DOCK3: variants seen among roughly 807,000 people sequenced by gnomAD.
DOCK3 encodes dedicator of cytokinesis 3.
DOCK3 carries 60 observed loss-of-function variants against 265.6 expected under a neutral mutation model. The ratio of observed to expected loss-of-function variants is 0.23; its 90% CI spans 0.18 to 0.28. The LOEUF is 0.28. DOCK3 is among the 10% of genes least tolerant of loss of function. The pLI is 1.00. For missense variants in DOCK3, 1,981 were observed against 2,594.3 expected (o/e 0.76, Z 5.14); for synonymous variants, 881 against 938.0 (o/e 0.94, Z 1.11).
intron 7 of DOCK3, among the ~76,000 whole-genome samples, chr3:51,083,584 A>G (rs1408717151): frequency 6.6e-6 from 1 of 152,222 alleles, no homozygotes; most frequent in Non-Finnish European, 1.5e-5. Context: ...ACAAAGAGAT[A>G]TGCATCATAG....
At chr3:50,891,567 AAG>A (rs2048643222) in intron 4 of DOCK3, among the ~76,000 whole-genome samples, 1 of 152,126 alleles carries the variant, frequency 6.6e-6, no homozygotes, top group Non-Finnish European at 1.5e-5. Flanking sequence ...GGAAAAGGAA[AAG>A]AGAGTATTTC....
In DOCK3 at chr3:51,324,134, T is replaced by C. The variant is rs1365115860; in HGVS notation, c.3403-6004T>C. On this transcript the variant is annotated intron_variant, in intron 32 of 52. Transcript: ENST00000266037. ...CAAATAGGAAGAGAGGAAGTCAAAT[T>C]GTCTCTGTTTGCAGATGACATGATT... is the stretch of plus-strand genomic sequence containing the variant. Among the ~76,000 whole-genome samples, 3 of 152,312 alleles carry C rather than the reference T, an allele frequency of 2.0e-5. No individual in the cohort carries two copies. In the East Asian group the frequency reaches 5.8e-4, roughly 29 times the overall value.
intron 9 of DOCK3, among the ~76,000 whole-genome samples, chr3:51,110,413 G>T (rs988871962): frequency 2.6e-5 from 4 of 152,086 alleles, no homozygotes; most frequent in African/African-American, 9.7e-5. Context: ...TATCCTTGAT[G>T]AACATTGATG....
rs139450529 is a variant in DOCK3 at position 50,850,218 on chromosome 3, G to A, written c.162+8503G>A. On this transcript the variant is annotated intron_variant, in intron 3 of 52. Coordinates refer to ENST00000266037, the MANE Select transcript of DOCK3 (RefSeq NM_004947.5). ...CAACATGGCAAAACAGAAATTAGTC[G>A]GCATGGTGGCACGTGCCTGTAGTCC... Among the ~76,000 whole-genome samples the A allele has an allele frequency of 8.7e-3, 1,328 of 151,816 alleles. 25 individuals are homozygous for A. The highest frequency in any genetic ancestry group is 0.029 in the African/African-American group (1,181 of 41,362).
At chr3:51,087,744 T>G (rs1157859132) in intron 7 of DOCK3, among the ~76,000 whole-genome samples, 1 of 152,032 alleles carries the variant, frequency 6.6e-6, no homozygotes, top group Non-Finnish European at 1.5e-5. Context: ...TAAAGACTAC[T>G]AAAAATCTCT....
chr3:51,187,833 C>A (rs1396849730), intron 12 of DOCK3, among the ~76,000 whole-genome samples: 1 of 149,582 alleles, frequency 6.7e-6, no homozygotes, highest in Non-Finnish European at 1.5e-5. Context: ...GATTGTGAGG[C>A]CTCCCCAGCC....
In DOCK3 at chr3:51,062,566, T is replaced by C. The variant is rs1479886631; in HGVS notation, c.316-1882T>C. 5.3e-5 allele frequency among the ~76,000 whole-genome samples: 8 copies of C among 152,176 alleles called. No homozygotes were observed. In the East Asian group the frequency reaches 1.5e-3, roughly 29 times the overall value. On this transcript the variant is annotated intron_variant, in intron 5 of 52. Coordinates refer to ENST00000266037, the MANE Select transcript of DOCK3 (RefSeq NM_004947.5). Reference sequence around the variant, plus strand: ...CCCTTGGCCACTCTGATTTTTCTTTTTATAATTTATCACCATCATTAATGA... The same window carrying C: ...CCCTTGGCCACTCTGATTTTTCTTTCTATAATTTATCACCATCATTAATGA...
chr3:51,090,446 T>C lies in DOCK3; in HGVS notation c.746+62T>C, dbSNP rs2082596605. ...TAGGATGGTATGGGTCATAGGCATC[T>C]CTGGCCATCAGAGAAGACAGATGCA... On this transcript the variant is annotated intron_variant, in intron 9 of 52. Transcript: ENST00000266037. 7 of 1,484,756 alleles carry C rather than the reference T, an allele frequency of 4.7e-6. No homozygotes were observed. In the South Asian group the frequency reaches 6.7e-5, roughly 14 times the overall value. 92.0% of individuals were successfully genotyped at this position (1,484,756 alleles called of 1,614,324 possible).
At chr3:51,304,453 C>G (rs1338384955) in intron 27 of DOCK3, among the ~76,000 whole-genome samples, 2 of 152,132 alleles carry the variant, frequency 1.3e-5, no homozygotes, top group Admixed American at 6.5e-5. Context: ...CCCCCTCCTC[C>G]CCTGCTCAGT....
chr3:51,204,933 G>A (rs185199659), intron 12 of DOCK3, among the ~76,000 whole-genome samples: 10,525 of 151,400 alleles, frequency 0.07, 502 homozygotes, highest in South Asian at 0.18. Flanking sequence ...ACCAAACACC[G>A]CATGTTCTCA....
intron 33 of DOCK3, among the ~76,000 whole-genome samples, chr3:51,330,494 C>T (rs1209529147): frequency 6.6e-6 from 1 of 152,236 alleles, no homozygotes; most frequent in Admixed American, 6.5e-5. Flanking sequence ...GTCTTCATAA[C>T]ATGCACTGCA....
At chr3:51,356,556 C>T in intron 43 of DOCK3, 63 bp downstream of exon 43, 1 of 1,531,770 alleles carries the variant, frequency 6.5e-7, no homozygotes, top group Non-Finnish European at 9.0e-7. Flanking sequence ...GCTCTGGGGG[C>T]CCTTCTCTAA....
intron 32 of DOCK3, among the ~76,000 whole-genome samples, chr3:51,318,657 G>C (rs1003019083): frequency 4.6e-5 from 7 of 151,840 alleles, no homozygotes; most frequent in African/African-American, 1.5e-4. Context: ...ACATGAACTT[G>C]AAAACAATGG....
rs377574616 is a variant in DOCK3, at chr3:50,722,798, G to T, written c.37+47498G>T. Among the ~76,000 whole-genome samples, 133 of 145,358 alleles carry T rather than the reference G, an allele frequency of 9.1e-4. 1 individual carries two copies. Among genetic ancestry groups the T allele is most frequent in the African/African-American group, 3.3e-3 (127 of 39,076 alleles). ...TTTTTTTTTTTTCTCTTGAGACAGG[G>T]TCTGGCTGTGTTGCCCAGGCTGGAG... On this transcript the variant is annotated intron_variant, in intron 1 of 52. Transcript: ENST00000266037.
At chr3:51,152,365 A>G (rs576026692) in intron 10 of DOCK3, among the ~76,000 whole-genome samples, 15 of 152,264 alleles carry the variant, frequency 9.9e-5, no homozygotes, top group African/African-American at 3.4e-4. Context: ...GGTCTTCTCT[A>G]CACTGTGTAT....
chr3:51,069,357 T>A (rs1311873570), intron 6 of DOCK3, among the ~76,000 whole-genome samples: 2 of 152,178 alleles, frequency 1.3e-5, no homozygotes, highest in Non-Finnish European at 2.9e-5. Context: ...ATTTTCAACA[T>A]CTTCTCTAAA....
intron 6 of DOCK3, among the ~76,000 whole-genome samples, chr3:51,072,872 A>ATTTT (rs748566865): frequency 7.2e-6 from 1 of 138,794 alleles, no homozygotes; most frequent in South Asian, 2.3e-4. Context: ...AACCTGGCTA[A>ATTTT]TTTTTTTTTT....
chr3:51,260,645 G>A (rs1312379607), intron 23 of DOCK3, among the ~76,000 whole-genome samples: 1 of 152,118 alleles, frequency 6.6e-6, no homozygotes, highest in Non-Finnish European at 1.5e-5. Flanking sequence ...ATTCATAGGA[G>A]ATATTGAGAA....
chr3:51,307,361 G>C (rs953998001), intron 27 of DOCK3, among the ~76,000 whole-genome samples: 1 of 152,018 alleles, frequency 6.6e-6, no homozygotes, highest in Non-Finnish European at 1.5e-5. Flanking sequence ...AAGTGATCCT[G>C]TTGCCTCAGC....
Sources: gnomAD v4.1 joint callset for allele counts (sites outside exome capture counted in the v4.1 genomes callset) on GRCh38, gnomAD v4.1.1 for gene constraint, MANE v1.5 for transcripts, NCBI Gene and HGNC (gene_info 2026-07-23, HGNC 2026-07-21) for gene names.